ADGRL2: variants seen among roughly 807,000 people sequenced by gnomAD.
ADGRL2 encodes calcium-independent alpha-latrotoxin receptor 2.
Under a neutral mutation model 157.4 loss-of-function variants are expected in ADGRL2, and 44 were observed. The ratio of observed to expected loss-of-function variants is 0.28; its 90% confidence interval spans 0.22 to 0.36. The LOEUF is 0.36. Ranked by LOEUF, ADGRL2 falls within the 10% of genes least tolerant of loss-of-function variation. ADGRL2 has a pLI of 1.00. For synonymous variants in ADGRL2, 585 were observed against 624.7 expected, an observed-to-expected ratio of 0.94 and a Z score of 0.95; for missense variants, 1,510 against 1,768.9, an observed-to-expected ratio of 0.85 and a Z score of 2.63.
intron 1 of ADGRL2, among the ~76,000 whole-genome samples, chr1:81,384,896 A>T (rs1340620548): frequency 6.6e-6 from 1 of 152,200 alleles, no homozygotes; most frequent in East Asian, 1.9e-4. Flanking sequence ...AATAATTTTC[A>T]GACAAATTAC....
At chr1:81,687,450 A>G (rs779278340) in intron 3 of ADGRL2, among the ~76,000 whole-genome samples, 1 of 152,210 alleles carries the variant, frequency 6.6e-6, no homozygotes, top group Admixed American at 6.5e-5. Flanking sequence ...GTCTGATACA[A>G]GAATAGCTAC....
At chr1:81,498,796 GA>G (rs904001116) in intron 2 of ADGRL2, among the ~76,000 whole-genome samples, 17 of 146,782 alleles carry the variant, frequency 1.2e-4, no homozygotes, top group East Asian at 7.9e-4. Context: ...TTTGGGGAAA[GA>G]AAAAAAAAAT....
Position 81,943,834 on chromosome 1 carries a change from T to C in ADGRL2, c.1210+65T>C. 7.7e-7 allele frequency: 1 copy of C among 1,305,694 alleles called. No individual in the cohort carries two copies. Among genetic ancestry groups the C allele is most frequent in the South Asian group, 1.4e-5 (1 of 71,082 alleles). The allele number at this position is 1,305,694 out of a possible 1,614,324, so 80.9% of individuals were successfully genotyped here. On this transcript the variant is annotated intron_variant, in intron 6 of 23. Coordinates refer to ENST00000686636, the MANE Select transcript of ADGRL2 (RefSeq NM_001366006.2). The surrounding 1 kb of genome is among the most constrained non-coding windows in gnomAD (Gnocchi z 5.6). The stretch of plus-strand genomic sequence containing the variant: ...AAAAGCATTTTTCTTTTTAAAGACT[T>C]CTTAATTTTTTTTTCCTATTTTCTT...
At chr1:81,824,102 A>G (rs2091250152) in intron 1 of ADGRL2, among the ~76,000 whole-genome samples, 1 of 152,166 alleles carries the variant, frequency 6.6e-6, no homozygotes, top group Admixed American at 6.5e-5. Context: ...TAAATTCGTG[A>G]CATTACTTGT....
intron 1 of ADGRL2, among the ~76,000 whole-genome samples, chr1:81,823,205 C>T (rs911713472): frequency 2.0e-5 from 3 of 151,766 alleles, no homozygotes; most frequent in Non-Finnish European, 2.9e-5. Flanking sequence ...CTGTTTCACA[C>T]GAGTTTCTGA....
intron 2 of ADGRL2, among the ~76,000 whole-genome samples, chr1:81,508,964 T>C (rs2079028381): frequency 2.0e-5 from 3 of 152,216 alleles, no homozygotes; most frequent in Admixed American, 1.3e-4. Flanking sequence ...GAACTGTTGA[T>C]CTACTAATGG....
chr1:81,673,738 C>T (rs564254765), intron 3 of ADGRL2, among the ~76,000 whole-genome samples: 3 of 152,114 alleles, frequency 2.0e-5, no homozygotes, highest in Admixed American at 6.5e-5. Context: ...AGGATGGTCT[C>T]GATCTCCTGA....
intron 1 of ADGRL2, among the ~76,000 whole-genome samples, chr1:81,324,732 T>C (rs1175078385): frequency 6.6e-6 from 1 of 152,032 alleles, no homozygotes; most frequent in Admixed American, 6.6e-5. Context: ...AAACTTTTTT[T>C]TTGAGGCAGA....
chr1:81,746,767 A>G (rs2085259858), intron 1 of ADGRL2, among the ~76,000 whole-genome samples: 1 of 151,764 alleles, frequency 6.6e-6, no homozygotes, highest in Non-Finnish European at 1.5e-5. Context: ...AAATAATTTA[A>G]ATAACACAAC....
At chr1:81,904,510 C>T (rs898973824) in intron 2 of ADGRL2, among the ~76,000 whole-genome samples, 1 of 152,142 alleles carries the variant, frequency 6.6e-6, no homozygotes, top group Non-Finnish European at 1.5e-5. Flanking sequence ...TGGGCAGCCA[C>T]ATCTGGTGAG....
intron 2 of ADGRL2, among the ~76,000 whole-genome samples, chr1:81,487,980 C>T (rs1238912684): frequency 6.6e-6 from 1 of 152,150 alleles, no homozygotes; most frequent in African/African-American, 2.4e-5. Flanking sequence ...TATCACAGGT[C>T]TGTGCTCTCA....
intron 1 of ADGRL2, among the ~76,000 whole-genome samples, chr1:81,761,574 T>C (rs1380657245): frequency 7.2e-5 from 11 of 152,054 alleles, no homozygotes; most frequent in Admixed American, 6.6e-4. Flanking sequence ...ATTTCTTTTG[T>C]GGAAAACAAA....
intron 1 of ADGRL2, among the ~76,000 whole-genome samples, chr1:81,317,550 T>G (rs990708754): frequency 2.0e-5 from 3 of 152,228 alleles, no homozygotes; most frequent in African/African-American, 7.2e-5. Context: ...TCTGCATAGT[T>G]TGTGGAACAT....
chr1:81,663,588 C>T (rs572664850), intron 3 of ADGRL2, among the ~76,000 whole-genome samples: 42 of 152,286 alleles, frequency 2.8e-4, no homozygotes, highest in African/African-American at 8.7e-4. Context: ...AAATTACTTC[C>T]ATGTCACTTG....
At chr1:81,641,510 C>T (rs758551136) in intron 3 of ADGRL2, among the ~76,000 whole-genome samples, 32 of 152,054 alleles carry the variant, frequency 2.1e-4, no homozygotes, top group Admixed American at 1.2e-3. Flanking sequence ...AACTGAAAAT[C>T]GACAACAGAA....
chr1:81,367,947 T>C (rs1228448147), intron 1 of ADGRL2, among the ~76,000 whole-genome samples: 1 of 152,222 alleles, frequency 6.6e-6, no homozygotes, highest in Non-Finnish European at 1.5e-5. Context: ...TTTGGATTTG[T>C]TCCATGACTT....
At chr1:81,782,496 G>A (rs558990058) in intron 2 of ADGRL2, among the ~76,000 whole-genome samples, 5 of 152,230 alleles carry the variant, frequency 3.3e-5, no homozygotes, top group African/African-American at 1.2e-4. Context: ...CTGTTAACTA[G>A]TAATAGATGT....
intron 3 of ADGRL2, among the ~76,000 whole-genome samples, chr1:81,618,529 T>C (rs1271707195): frequency 6.6e-6 from 1 of 152,114 alleles, no homozygotes; most frequent in Non-Finnish European, 1.5e-5. Context: ...TGGTCTGAGG[T>C]TGGAGCATAA....
intron 1 of ADGRL2, among the ~76,000 whole-genome samples, chr1:81,715,616 A>T (rs551021997): frequency 6.6e-6 from 1 of 152,258 alleles, no homozygotes; most frequent in East Asian, 1.9e-4. Flanking sequence ...TGTGCTGAGC[A>T]CTTAATGCGA....
Sources: gnomAD v4.1 joint callset for allele counts (sites outside exome capture counted in the v4.1 genomes callset) on GRCh38, gnomAD v4.1.1 for gene constraint, Gnocchi (gnomAD v3.1) non-coding constraint, MANE v1.5 for transcripts, NCBI Gene and HGNC (gene_info 2026-07-23, HGNC 2026-07-21) for gene names.